LOC128092253: variants seen among roughly 807,000 people sequenced by gnomAD.
the LOC128092253 span, among the ~76,000 whole-genome samples, chr6:133,974,478 C>T: frequency 9.2e-5 from 14 of 152,262 alleles, no homozygotes; most frequent in Middle Eastern, 3.4e-3. Context: ...GGATTACAGG[C>T]GTGCACCACC....
At chr6:133,968,177 C>A in the LOC128092253 span, among the ~76,000 whole-genome samples, 1 of 151,896 alleles carries the variant, frequency 6.6e-6, no homozygotes, top group African/African-American at 2.4e-5. Context: ...TTAGTAGGGA[C>A]GGGGTTTCAC....
chr6:133,961,666 A>G, the LOC128092253 span, among the ~76,000 whole-genome samples: 1,279 of 151,976 alleles, frequency 8.4e-3, 38 homozygotes, highest in Admixed American at 0.062. Flanking sequence ...GGGTTTCACC[A>G]TGTTAATCGG....
chr6:133,961,667 T>C, the LOC128092253 span, among the ~76,000 whole-genome samples: 1 of 152,186 alleles, frequency 6.6e-6, no homozygotes, highest in East Asian at 1.9e-4. Flanking sequence ...GGTTTCACCA[T>C]GTTAATCGGG....
At chr6:133,960,221 A>G in the LOC128092253 span, among the ~76,000 whole-genome samples, 5 of 152,214 alleles carry the variant, frequency 3.3e-5, no homozygotes, top group South Asian at 2.1e-4. Flanking sequence ...TGAAGGCACA[A>G]TGACTAATTC....
the LOC128092253 span, among the ~76,000 whole-genome samples, chr6:133,958,167 C>CTATTGAAA: frequency 6.6e-6 from 1 of 152,202 alleles, no homozygotes; most frequent in South Asian, 2.1e-4. Context: ...CATGTTGCAG[C>CTATTGAAA]TATTGAAATA....
At chr6:133,975,025 T>G in the LOC128092253 span, among the ~76,000 whole-genome samples, 1 of 152,192 alleles carries the variant, frequency 6.6e-6, no homozygotes, top group Non-Finnish European at 1.5e-5. Context: ...GTATTAAGTA[T>G]TCAACTTAAA....
the LOC128092253 span, among the ~76,000 whole-genome samples, chr6:133,962,329 C>T: frequency 6.6e-6 from 1 of 152,118 alleles, no homozygotes; most frequent in African/African-American, 2.4e-5. Flanking sequence ...ATGGAGAATG[C>T]AAGCAGAGAG....
At chr6:133,961,136 T>C in the LOC128092253 span, among the ~76,000 whole-genome samples, 2 of 152,294 alleles carry the variant, frequency 1.3e-5, no homozygotes, top group African/African-American at 2.4e-5. Context: ...CAGATTCTTA[T>C]TGCTATCGTG....
At chr6:133,974,087 A>G in the LOC128092253 span, among the ~76,000 whole-genome samples, 1 of 151,970 alleles carries the variant, frequency 6.6e-6, no homozygotes, top group African/African-American at 2.4e-5. Flanking sequence ...TAACTATGTA[A>G]GTGCATATGT....
the LOC128092253 span, among the ~76,000 whole-genome samples, chr6:133,959,186 T>A: frequency 6.6e-6 from 1 of 152,066 alleles, no homozygotes; most frequent in East Asian, 1.9e-4. Flanking sequence ...ATTACAGGCA[T>A]GCGCCACCAC....
the LOC128092253 span, among the ~76,000 whole-genome samples, chr6:133,957,637 A>G: frequency 6.6e-6 from 1 of 152,228 alleles, no homozygotes; most frequent in Non-Finnish European, 1.5e-5. Flanking sequence ...TTGGTACAAC[A>G]CTTAAAGAGT....
At chr6:133,977,893 A>G in the LOC128092253 span, among the ~76,000 whole-genome samples, 2 of 152,210 alleles carry the variant, frequency 1.3e-5, no homozygotes, top group African/African-American at 4.8e-5. Flanking sequence ...AGCAAGAATG[A>G]AAAAGGGCAG....
At chr6:133,969,901 C>G in the LOC128092253 span, among the ~76,000 whole-genome samples, 1 of 152,200 alleles carries the variant, frequency 6.6e-6, no homozygotes, top group Non-Finnish European at 1.5e-5. Flanking sequence ...ATAATTCCTA[C>G]ATTTGTCTAG....
the LOC128092253 span, among the ~76,000 whole-genome samples, chr6:133,972,700 GTTTGTTTT>G: frequency 2.0e-5 from 3 of 151,924 alleles, no homozygotes; most frequent in Admixed American, 2.0e-4. Context: ...TTGTTTGTTT[GTTTGTTTT>G]TTTCCCCTCA....
the LOC128092253 span, among the ~76,000 whole-genome samples, chr6:133,960,727 C>T: frequency 2.0e-5 from 3 of 152,124 alleles, no homozygotes; most frequent in Non-Finnish European, 4.4e-5. Flanking sequence ...TTAACTTTAA[C>T]TGAATGGTTG....
the LOC128092253 span, among the ~76,000 whole-genome samples, chr6:133,979,036 T>C: frequency 6.6e-6 from 1 of 152,164 alleles, no homozygotes; most frequent in African/African-American, 2.4e-5. Context: ...TAGTAAAAAC[T>C]GGGGCTTGTT....
chr6:133,967,645 G>A, the LOC128092253 span, among the ~76,000 whole-genome samples: 3 of 152,144 alleles, frequency 2.0e-5, no homozygotes, highest in Non-Finnish European at 4.4e-5. Context: ...GAGTACTGTA[G>A]GCAGTTGTAA....
the LOC128092253 span, among the ~76,000 whole-genome samples, chr6:133,962,871 G>A: frequency 6.6e-6 from 1 of 152,178 alleles, no homozygotes; most frequent in Non-Finnish European, 1.5e-5. Context: ...GGTCTGGCAT[G>A]GATTTCAGTT....
chr6:133,960,027 A>G, the LOC128092253 span, among the ~76,000 whole-genome samples: 1 of 152,180 alleles, frequency 6.6e-6, no homozygotes, highest in African/African-American at 2.4e-5. Context: ...GTGAGCCGCA[A>G]GCGTTTTTCC....
Sources: gnomAD v4.1 joint callset for allele counts (sites outside exome capture counted in the v4.1 genomes callset) on GRCh38, gnomAD v4.1.1 for gene constraint, MANE v1.5 for transcripts.